The following PCSK5 variants were observed in gnomAD, a reference collection of about 807,000 sequenced individuals.
PCSK5 encodes proprotein convertase subtilisin/kexin type 5, also known as prohormone convertase 5.
Under a neutral mutation model 233.2 loss-of-function variants are expected in PCSK5, and 129 were observed. That is an observed-to-expected ratio of 0.55 (90% CI 0.48 to 0.64). The LOEUF (loss-of-function observed/expected upper bound fraction) is 0.64, where lower values mean the gene tolerates loss of function less well. Ranked by LOEUF, PCSK5 falls within the 30% of genes least tolerant of loss-of-function variation. The pLI, the probability that PCSK5 is intolerant of heterozygous loss-of-function variation, is 0.00. For synonymous variants in PCSK5, 825 were observed against 879.2 expected (o/e 0.94, Z 1.09); for missense variants, 2,076 against 2,430.1 (o/e 0.85, Z 3.06).
chr9:76,272,072 T>G (rs185708778), intron 24 of PCSK5, among the ~76,000 whole-genome samples: 1 of 152,318 alleles, frequency 6.6e-6, no homozygotes, highest in Admixed American at 6.5e-5. Flanking sequence ...TACTATGTAC[T>G]TAGAGTACTA....
intron 28 of PCSK5, among the ~76,000 whole-genome samples, chr9:76,308,203 G>A (rs1828761068): frequency 6.6e-6 from 1 of 151,702 alleles, no homozygotes; most frequent in Admixed American, 6.6e-5. Flanking sequence ...TCTCAAAAAA[G>A]AAAAGAAAAG....
At chr9:75,893,217 T>G (rs545446628) in intron 1 of PCSK5, among the ~76,000 whole-genome samples, 1 of 152,238 alleles carries the variant, frequency 6.6e-6, no homozygotes, top group Admixed American at 6.5e-5. Context: ...ATACCCTTCT[T>G]TCTTAATCTC....
At chr9:76,026,655 T>C (rs1284891608) in intron 4 of PCSK5, among the ~76,000 whole-genome samples, 3 of 152,154 alleles carry the variant, frequency 2.0e-5, no homozygotes, top group East Asian at 1.9e-4. Flanking sequence ...TTGAAAGATA[T>C]ACGTTTCATG....
At chr9:75,927,341 A>G (rs74363683) in intron 1 of PCSK5, among the ~76,000 whole-genome samples, 13,578 of 152,114 alleles carry the variant, frequency 0.089, 809 homozygotes, top group African/African-American at 0.16. Context: ...AGGAATCTAT[A>G]AATTGAAGAA....
chr9:76,216,683 C>T (rs1165710147), intron 20 of PCSK5, among the ~76,000 whole-genome samples: 1 of 152,144 alleles, frequency 6.6e-6, no homozygotes, highest in Non-Finnish European at 1.5e-5. Context: ...GCTGCCATTT[C>T]CTGAATAGAA....
At chr9:76,351,257 A>C (rs1267048748) in intron 36 of PCSK5, among the ~76,000 whole-genome samples, 2 of 151,904 alleles carry the variant, frequency 1.3e-5, no homozygotes, top group East Asian at 3.9e-4. Context: ...AATACAAACT[A>C]CCTTCTCTCT....
intron 2 of PCSK5, among the ~76,000 whole-genome samples, chr9:75,970,805 TAG>T (rs907139577): frequency 3.3e-5 from 5 of 151,890 alleles, no homozygotes; most frequent in Non-Finnish European, 7.4e-5. Context: ...TGTATTTTGG[TAG>T]AGAGGAAGTT....
intron 25 of PCSK5, among the ~76,000 whole-genome samples, chr9:76,292,944 G>A (rs1308406691): frequency 6.6e-6 from 1 of 152,142 alleles, no homozygotes; most frequent in Non-Finnish European, 1.5e-5. Flanking sequence ...AAGAACTCAG[G>A]AGTTTTGTGA....
At chr9:76,243,839 A>T (rs1354059602) in intron 24 of PCSK5, among the ~76,000 whole-genome samples, 1 of 152,242 alleles carries the variant, frequency 6.6e-6, no homozygotes, top group African/African-American at 2.4e-5. Context: ...TGAATGGCTT[A>T]GGATACCCAG....
intron 30 of PCSK5, among the ~76,000 whole-genome samples, chr9:76,313,614 C>A (rs1351114721): frequency 6.6e-6 from 1 of 152,168 alleles, no homozygotes; most frequent in East Asian, 1.9e-4. Context: ...TGGAGAATTG[C>A]TTGAGCCCAG....
chr9:76,103,798 AT>A (rs1462357290), intron 8 of PCSK5, among the ~76,000 whole-genome samples: 2 of 152,066 alleles, frequency 1.3e-5, no homozygotes, highest in Admixed American at 1.3e-4. Flanking sequence ...CACAAATGAT[AT>A]TTTCTTGAGC....
intron 2 of PCSK5, among the ~76,000 whole-genome samples, chr9:75,943,484 G>T (rs575175863): frequency 1.3e-5 from 2 of 152,204 alleles, no homozygotes; most frequent in African/African-American, 4.8e-5. Flanking sequence ...GAGTAAATAA[G>T]AAATCTAATT....
chr9:75,915,162 C>T (rs368643046), intron 1 of PCSK5, among the ~76,000 whole-genome samples: 4 of 152,076 alleles, frequency 2.6e-5, no homozygotes, highest in African/African-American at 7.2e-5. Context: ...GGAATCTGAC[C>T]GTGTTATAAT....
chr9:75,927,780 T>G lies in PCSK5; in HGVS notation c.193-4599T>G, dbSNP rs569464130. ...CATTGGGAAGGTGTCCTCCTGCTGC[T>G]AGAAAAAAAAGTAAACCAAAAACTT... On this transcript the variant is annotated intron_variant, in intron 1 of 37. Coordinates refer to ENST00000674117, the MANE Select transcript of PCSK5 (RefSeq NM_001372043.1). Among the ~76,000 whole-genome samples the G allele has an allele frequency of 1.2e-4, 18 of 152,208 alleles. No individual in the cohort carries two copies. The South Asian group carries it at 3.1e-3, about 26-fold the overall frequency.
chr9:76,169,638 G>A (rs751867397), intron 12 of PCSK5, 66 bp from the exon 13 acceptor site: 1 of 1,491,066 alleles, frequency 6.7e-7, no homozygotes, highest in African/African-American at 1.4e-5. Context: ...AGTGTCGATT[G>A]TGGTATTAAC....
At chr9:75,988,288 C>CT (rs1826613153) in intron 3 of PCSK5, among the ~76,000 whole-genome samples, 1 of 151,272 alleles carries the variant, frequency 6.6e-6, no homozygotes, top group African/African-American at 2.4e-5. Flanking sequence ...TTTTTCTTTT[C>CT]TTTTCTTTTT....
intron 4 of PCSK5, among the ~76,000 whole-genome samples, chr9:76,024,500 C>G (rs1426046581): frequency 6.6e-6 from 1 of 152,178 alleles, no homozygotes; most frequent in Non-Finnish European, 1.5e-5. Flanking sequence ...TAAACTGTAG[C>G]CTGAAGACTG....
intron 2 of PCSK5, among the ~76,000 whole-genome samples, chr9:75,942,882 CTTCTTTTTTTT>C (rs1014612602): frequency 1.8e-5 from 2 of 112,934 alleles, no homozygotes; most frequent in African/African-American, 3.3e-5. Context: ...TTTTCTTCTT[CTTCTTTTTTTT>C]TTTTTTTTTG....
At chr9:75,919,022 C>G (rs74600471) in intron 1 of PCSK5, among the ~76,000 whole-genome samples, 3 of 152,038 alleles carry the variant, frequency 2.0e-5, no homozygotes, top group African/African-American at 7.2e-5. Flanking sequence ...CAGTTCTGTA[C>G]GTTTTGACAA....
Sources: allele counts gnomAD v4.1 joint callset (sites outside exome capture counted in the v4.1 genomes callset), GRCh38; gene constraint gnomAD v4.1.1; transcripts MANE v1.5; gene names NCBI Gene and HGNC (gene_info 2026-07-23, HGNC 2026-07-21).